The following FAM107B variants were observed in gnomAD, a reference collection of about 807,000 sequenced individuals.
FAM107B encodes family with sequence similarity 107 member B.
FAM107B carries 21 observed loss-of-function variants against 31.5 expected under a neutral mutation model. That is an observed-to-expected ratio of 0.67 (90% CI 0.47 to 0.96). The LOEUF is 0.96. Ranked by LOEUF, FAM107B falls within the 40% of genes least tolerant of loss-of-function variation. The pLI is 0.00. For synonymous variants in FAM107B, 157 were observed against 141.5 expected, an observed-to-expected ratio of 1.11 and a Z score of -0.78; for missense variants, 452 against 377.1, an observed-to-expected ratio of 1.20 and a Z score of -1.64.
Position 14,629,381 on chromosome 10 carries a change from TAA to T in FAM107B, c.469+38251_469+38252del, listed in dbSNP as rs1425169526. On this transcript the variant is annotated intron_variant, in intron 2 of 4. Coordinates refer to ENST00000181796, the MANE Select transcript of FAM107B (RefSeq NM_031453.4). ...ATATATATTATATATTTAATATATATAATATATATAATATATATTATATATTT... is the reference window on the plus strand; with the variant it reads ...ATATATATTATATATTTAATATATATTATATATAATATATATTATATATTT... Among the ~76,000 whole-genome samples, 54 of 7,478 alleles carry T rather than the reference TAA, an allele frequency of 7.2e-3. 1 individual carries two copies. The highest frequency in any genetic ancestry group is 0.017 in the Non-Finnish European group (46 of 2,706). 4.9% of individuals were successfully genotyped at this position (7,478 alleles called of 152,430 possible). A position where few individuals can be genotyped will look rare whatever the true frequency, so the allele number is the denominator to read the frequency against.
At chr10:14,719,238 G>A (rs1206263217) in intron 1 of FAM107B, among the ~76,000 whole-genome samples, 2 of 152,190 alleles carry the variant, frequency 1.3e-5, no homozygotes, top group Non-Finnish European at 2.9e-5. Context: ...TCGGGAGTCA[G>A]AGTTCCAGCC....
At chr10:14,727,961 T>C (rs1212919658) in intron 1 of FAM107B, among the ~76,000 whole-genome samples, 1 of 152,184 alleles carries the variant, frequency 6.6e-6, no homozygotes, top group Non-Finnish European at 1.5e-5. Context: ...GGGACTGAGC[T>C]AAGTATGCCA....
chr10:14,748,940 C>T (rs1005996036), intron 1 of FAM107B, among the ~76,000 whole-genome samples: 1 of 152,256 alleles, frequency 6.6e-6, no homozygotes, highest in Non-Finnish European at 1.5e-5. Flanking sequence ...TAAGCGCCCA[C>T]TGGCCTGGAT....
At chr10:14,726,821 A>G (rs540282824) in intron 1 of FAM107B, among the ~76,000 whole-genome samples, 3 of 152,254 alleles carry the variant, frequency 2.0e-5, no homozygotes, top group African/African-American at 7.2e-5. Context: ...TTTTCCACAG[A>G]CCAGGGTGTG....
At chr10:14,698,831 A>G (rs900462474) in intron 1 of FAM107B, among the ~76,000 whole-genome samples, 11 of 152,248 alleles carry the variant, frequency 7.2e-5, no homozygotes, top group Non-Finnish European at 1.2e-4. Flanking sequence ...GAGTTGGTGC[A>G]AAAGCAATTG....
At chr10:14,630,856 A>G (rs1564607622) in intron 2 of FAM107B, among the ~76,000 whole-genome samples, 1 of 152,012 alleles carries the variant, frequency 6.6e-6, no homozygotes, top group Admixed American at 6.6e-5. Context: ...TCTCAAAAAT[A>G]ATAATAATAA....
intron 1 of FAM107B, among the ~76,000 whole-genome samples, chr10:14,736,080 A>G (rs1856293129): frequency 6.6e-6 from 1 of 152,178 alleles, no homozygotes; most frequent in African/African-American, 2.4e-5. Context: ...GATAACAAAG[A>G]TGGAAGTCCT....
At chr10:14,723,482 T>C (rs558622931) in intron 1 of FAM107B, 5 of 577,112 alleles carry the variant, frequency 8.7e-6, no homozygotes, top group South Asian at 7.6e-5. Context: ...CACGGGTGTT[T>C]ACAGGAAATG....
At chr10:14,593,267 C>T (rs7079902) in intron 2 of FAM107B, among the ~76,000 whole-genome samples, 3,289 of 152,162 alleles carry the variant, frequency 0.022, 127 homozygotes, top group African/African-American at 0.073. Flanking sequence ...AAGAGAAAAA[C>T]ATACTAAACG....
chr10:14,663,887 C>CA (rs3035297), intron 2 of FAM107B, among the ~76,000 whole-genome samples: 4,313 of 80,284 alleles, frequency 0.054, 679 homozygotes, highest in African/African-American at 0.12. Context: ...GATCATCAGC[C>CA]AAAAAAAAAA....
At chr10:14,540,025 C>A in intron 2 of FAM107B, among the ~76,000 whole-genome samples, 1 of 152,318 alleles carries the variant, frequency 6.6e-6, no homozygotes, top group South Asian at 2.1e-4. Flanking sequence ...ACCATGTGGA[C>A]GTGACACACA....
chr10:14,746,147 T>G (rs1832723464), intron 1 of FAM107B, among the ~76,000 whole-genome samples: 1 of 152,212 alleles, frequency 6.6e-6, no homozygotes, highest in South Asian at 2.1e-4. Context: ...GTCATTTGCT[T>G]GATAAATTTT....
intron 1 of FAM107B, among the ~76,000 whole-genome samples, chr10:14,701,822 G>A (rs924831101): frequency 3.9e-5 from 6 of 152,100 alleles, no homozygotes; most frequent in South Asian, 2.1e-4. Context: ...CTCTGCTGGC[G>A]TGTGAAAAGA....
At chr10:14,713,727 C>T (rs143990549) in intron 1 of FAM107B, among the ~76,000 whole-genome samples, 2 of 152,176 alleles carry the variant, frequency 1.3e-5, no homozygotes, top group East Asian at 3.9e-4. Context: ...GACATATGTA[C>T]ATGTATGTTC....
chr10:14,671,903 ACC>A (rs771802503), intron 1 of FAM107B, among the ~76,000 whole-genome samples: 3,162 of 145,552 alleles, frequency 0.022, 175 homozygotes, highest in African/African-American at 0.079. Context: ...CAAAAAAAAA[ACC>A]CTCTATTTCT....
intron 2 of FAM107B, among the ~76,000 whole-genome samples, chr10:14,555,441 C>A (rs1316710944): frequency 3.3e-5 from 5 of 152,212 alleles, no homozygotes; most frequent in Non-Finnish European, 7.3e-5. Context: ...CATACTCCCA[C>A]TGACATAATT....
At chr10:14,720,095 T>A (rs187969938) in intron 1 of FAM107B, among the ~76,000 whole-genome samples, 2 of 152,288 alleles carry the variant, frequency 1.3e-5, no homozygotes, top group East Asian at 3.9e-4. Flanking sequence ...CACAACCTCT[T>A]TGGGCTTCGA....
intron 1 of FAM107B, chr10:14,723,731 T>C (rs1855966775): frequency 1.3e-6 from 1 of 757,830 alleles, no homozygotes; most frequent in Non-Finnish European, 2.4e-6. Context: ...ATCTGGTTAG[T>C]GAAGGTTCCA....
At chr10:14,733,805 G>C (rs1021443310) in intron 1 of FAM107B, among the ~76,000 whole-genome samples, 1 of 152,170 alleles carries the variant, frequency 6.6e-6, no homozygotes, top group Admixed American at 6.5e-5. Flanking sequence ...TCTGATTCCA[G>C]ACCCCATCTT....
Sources: gnomAD v4.1 joint callset for allele counts (sites outside exome capture counted in the v4.1 genomes callset) on GRCh38, gnomAD v4.1.1 for gene constraint, MANE v1.5 for transcripts, NCBI Gene and HGNC (gene_info 2026-07-23, HGNC 2026-07-21) for gene names.